ZNF277: variants seen among roughly 807,000 people sequenced by gnomAD.
ZNF277 encodes the protein nuclear receptor-interacting factor 4.
A neutral mutation model predicts 60.7 loss-of-function variants in ZNF277; 55 were observed. The ratio of observed to expected loss-of-function variants is 0.91; its 90% CI spans 0.73 to 1.13. The LOEUF (loss-of-function observed/expected upper bound fraction) is 1.13. ZNF277 is among the 50% of genes most tolerant of loss of function. The pLI is 0.00. For synonymous variants in ZNF277, 178 were observed against 179.3 expected, an observed-to-expected ratio of 0.99 and a Z score of 0.06; for missense variants, 510 against 523.0, an observed-to-expected ratio of 0.98 and a Z score of 0.24.
intron 1 of ZNF277, among the ~76,000 whole-genome samples, chr7:112,222,485 G>A (rs1372842980): frequency 6.6e-6 from 1 of 152,116 alleles, no homozygotes; most frequent in African/African-American, 2.4e-5. Flanking sequence ...ATTGCTCATA[G>A]TACCCTCATG....
chr7:112,317,663 G>A (rs1792871883), intron 4 of ZNF277, among the ~76,000 whole-genome samples: 1 of 152,054 alleles, frequency 6.6e-6, no homozygotes, highest in South Asian at 2.1e-4. Context: ...AGCAAAAAGA[G>A]GATGAATATG....
intron 1 of ZNF277, among the ~76,000 whole-genome samples, chr7:112,252,264 G>A (rs1791215211): frequency 6.6e-6 from 1 of 152,188 alleles, no homozygotes; most frequent in African/African-American, 2.4e-5. Context: ...CAAGAGGGTA[G>A]CTTATTGCAA....
chr7:112,237,733 T>G (rs950931928), intron 1 of ZNF277, among the ~76,000 whole-genome samples: 4 of 151,988 alleles, frequency 2.6e-5, no homozygotes, highest in African/African-American at 4.8e-5. Flanking sequence ...CCAGCTAAAT[T>G]CCACCAGATA....
chr7:112,290,717 T>G (rs1162787649), intron 2 of ZNF277, among the ~76,000 whole-genome samples: 1 of 151,980 alleles, frequency 6.6e-6, no homozygotes, highest in African/African-American at 2.4e-5. Flanking sequence ...CTGTATCCAG[T>G]CTTCTTTAGA....
At chr7:112,276,620 T>G (rs998000605) in intron 1 of ZNF277, among the ~76,000 whole-genome samples, 1 of 152,146 alleles carries the variant, frequency 6.6e-6, no homozygotes, top group Non-Finnish European at 1.5e-5. Flanking sequence ...ACCCCATAAT[T>G]TTAGAACCCA....
intron 1 of ZNF277, among the ~76,000 whole-genome samples, chr7:112,247,295 C>T (rs754592134): frequency 4.6e-5 from 7 of 152,098 alleles, no homozygotes; most frequent in Non-Finnish European, 8.8e-5. Flanking sequence ...TTTTTGTCTC[C>T]GTTTCTTCCT....
intron 1 of ZNF277, among the ~76,000 whole-genome samples, chr7:112,217,072 C>T (rs1821904163): frequency 1.3e-5 from 2 of 152,176 alleles, no homozygotes; most frequent in Non-Finnish European, 2.9e-5. Flanking sequence ...ATTCTGAATG[C>T]TGTAGAATAC....
chr7:112,254,785 A>G (rs1272482069), intron 1 of ZNF277, among the ~76,000 whole-genome samples: 4 of 152,144 alleles, frequency 2.6e-5, no homozygotes. Context: ...CCTTGGCAAC[A>G]TAGTGAGAAC....
intron 1 of ZNF277, among the ~76,000 whole-genome samples, chr7:112,272,297 G>C (rs1037552063): frequency 1.3e-5 from 2 of 152,180 alleles, no homozygotes; most frequent in Non-Finnish European, 1.5e-5. Context: ...GTACTCTACT[G>C]TGTATACCAC....
chr7:112,272,457 ATAG>A (rs1475961950), intron 1 of ZNF277, among the ~76,000 whole-genome samples: 2 of 152,098 alleles, frequency 1.3e-5, no homozygotes, highest in African/African-American at 2.4e-5. Flanking sequence ...GCTGGATCAC[ATAG>A]TAGTTCTATT....
intron 4 of ZNF277, among the ~76,000 whole-genome samples, chr7:112,309,822 A>G (rs1010320888): frequency 1.3e-5 from 2 of 152,046 alleles, no homozygotes; most frequent in Non-Finnish European, 2.9e-5. Flanking sequence ...GTAGTTTGCT[A>G]TAATGACTCA....
chr7:112,267,762 G>T (rs1196177872), intron 1 of ZNF277, among the ~76,000 whole-genome samples: 3 of 152,096 alleles, frequency 2.0e-5, no homozygotes, highest in Non-Finnish European at 4.4e-5. Context: ...TGGAGGGAAA[G>T]AAAGTTTTCC....
intron 1 of ZNF277, among the ~76,000 whole-genome samples, chr7:112,253,136 A>G (rs2117012324): frequency 6.6e-6 from 1 of 152,314 alleles, no homozygotes; most frequent in Non-Finnish European, 1.5e-5. Context: ...AAAAGGCTTC[A>G]AAAGGGAGTT....
At chr7:112,309,632 A>G (rs1472473471) in intron 4 of ZNF277, among the ~76,000 whole-genome samples, 1 of 151,796 alleles carries the variant, frequency 6.6e-6, no homozygotes, top group Non-Finnish European at 1.5e-5. Flanking sequence ...CTTATTATAT[A>G]CCCACAATGA....
chr7:112,243,477 A>G (rs939859347), intron 1 of ZNF277, among the ~76,000 whole-genome samples: 7 of 150,106 alleles, frequency 4.7e-5, no homozygotes, highest in Non-Finnish European at 8.9e-5. Flanking sequence ...TCAAACAACT[A>G]AACAAGAAAA....
intron 4 of ZNF277, 79 bp downstream of exon 4, chr7:112,296,390 T>G: frequency 1.4e-6 from 1 of 739,458 alleles, no homozygotes; most frequent in East Asian, 3.3e-5. Flanking sequence ...GTTTTTTTTT[T>G]TTTTACTTTT....
At chr7:112,229,916 A>G (rs7792170) in intron 1 of ZNF277, among the ~76,000 whole-genome samples, 140,992 of 152,262 alleles carry the variant, frequency 0.93, 65,486 homozygotes, top group Middle Eastern at 0.98. Context: ...TCTTGATAGA[A>G]TGAGGTGCTT....
At chr7:112,319,966 A>C (rs1792939658) in intron 5 of ZNF277, among the ~76,000 whole-genome samples, 1 of 152,068 alleles carries the variant, frequency 6.6e-6, no homozygotes, top group African/African-American at 2.4e-5. Context: ...ATGTTTTAAC[A>C]AAATATTTCC....
intron 1 of ZNF277, among the ~76,000 whole-genome samples, chr7:112,252,896 G>C (rs1791229690): frequency 6.6e-6 from 1 of 152,200 alleles, no homozygotes; most frequent in African/African-American, 2.4e-5. Context: ...GAACCTAGAT[G>C]TAGTGTCTTA....
Sources: allele counts gnomAD v4.1 joint callset (sites outside exome capture counted in the v4.1 genomes callset), GRCh38; gene constraint gnomAD v4.1.1; transcripts MANE v1.5; gene names NCBI Gene and HGNC (gene_info 2026-07-23, HGNC 2026-07-21).